The following SYTL2 variants were observed in gnomAD, a reference collection of about 807,000 sequenced individuals.
SYTL2 encodes synaptotagmin-like protein 2.
In SYTL2, 165 loss-of-function variants were observed where a neutral mutation model predicts 198.7. The ratio of observed to expected loss-of-function variants is 0.83; its 90% CI spans 0.73 to 0.94. The LOEUF (loss-of-function observed/expected upper bound fraction) is 0.94, where lower values mean the gene tolerates loss of function less well. Among genes scored for constraint, SYTL2 ranks in the 40% least tolerant of loss-of-function variants. The probability of loss-of-function intolerance (pLI) is 0.00; values close to 1 mark genes in which losing one functional copy is unlikely to be tolerated. For missense variants in SYTL2, 2,835 were observed against 2,582.8 expected, an observed-to-expected ratio of 1.10 and a Z score of -2.12; for synonymous variants, 966 against 917.7, an observed-to-expected ratio of 1.05 and a Z score of -0.95.
chr11:85,718,011 C>T (rs2087639262), intron 10 of SYTL2, among the ~76,000 whole-genome samples: 1 of 152,130 alleles, frequency 6.6e-6, no homozygotes, highest in Non-Finnish European at 1.5e-5. Flanking sequence ...AAAGAATGAC[C>T]TTTAAGGAGC....
chr11:85,833,349 A>AT, the SYTL2 span, among the ~76,000 whole-genome samples: 1 of 148,204 alleles, frequency 6.7e-6, no homozygotes, highest in Non-Finnish European at 1.5e-5. Context: ...TCATATATAT[A>AT]CACGATATAT....
intron 1 of SYTL2, among the ~76,000 whole-genome samples, chr11:85,761,994 G>A (rs760163571): frequency 6.6e-6 from 1 of 152,214 alleles, no homozygotes; most frequent in Admixed American, 6.5e-5. Flanking sequence ...TTTCACATGA[G>A]GAGAGTGAGG....
chr11:85,718,958 G>A, intron 9 of SYTL2, 115 bp from the exon 10 acceptor site: 3 of 1,544,198 alleles, frequency 1.9e-6, no homozygotes, highest in Non-Finnish European at 2.6e-6. Context: ...GATGCAATGA[G>A]GGGTGCAACC....
chr11:85,702,208 G>A (rs1232137190), intron 16 of SYTL2, among the ~76,000 whole-genome samples: 1 of 70,538 alleles, frequency 1.4e-5, no homozygotes, highest in Admixed American at 1.4e-4. Flanking sequence ...TTTTTTTTTT[G>A]AGACAGGGTC....
At chr11:85,767,104 G>C (rs952166343) in intron 1 of SYTL2, among the ~76,000 whole-genome samples, 1 of 152,158 alleles carries the variant, frequency 6.6e-6, no homozygotes, top group African/African-American at 2.4e-5. Context: ...ACGCATATTT[G>C]TATATCAATT....
In SYTL2 at chr11:85,794,178, A is replaced by T. The variant is rs530719141; in HGVS notation, c.-390+16776T>A. The stretch of plus-strand genomic sequence containing the variant: ...AGCCACCTTGCCTGGCCAGATTTAA[A>T]TTTTTTTTTCTTTTTTTAGAGACAG... On this transcript the variant is annotated intron_variant, in intron 1 of 19. Coordinates refer to ENST00000359152, the MANE Select transcript of SYTL2 (RefSeq NM_206927.4). 1.5e-4 allele frequency among the ~76,000 whole-genome samples: 22 copies of T among 150,886 alleles called. No homozygotes were observed. In the South Asian group the frequency reaches 2.3e-3, roughly 16 times the overall value.
At chr11:85,696,034 T>C (rs2083355785) in intron 19 of SYTL2, 149 bp downstream of exon 19, 1 of 651,170 alleles carries the variant, frequency 1.5e-6, no homozygotes, top group Non-Finnish European at 2.7e-6. Flanking sequence ...AACCTGACAT[T>C]TCTTTACTCA....
At position 85,734,119 on chromosome 11, in the gene SYTL2, T is replaced by C. The variant is rs2090108380; in HGVS notation, c.1210A>G (p.Lys404Glu). ...GTCATTGGCTGATGTGTTTCACTTT[T>C]TGATACATATGGGCTTGAGGTTGAT... is the stretch of plus-strand genomic sequence containing the variant. ...HQSTSSPYVSKSETHQPMTSG... is the reference protein window; with the variant it reads ...HQSTSSPYVSESETHQPMTSG... The change falls in exon 7 of 20, where the codon AAA (lysine) becomes GAA (glutamate). Residue 404 changes from lysine (K) to glutamate (E), a missense_variant. This residue lies in a region of SYTL2 where 2,645 missense variants were observed against 2,381.7 expected (regional missense o/e 1.11). Coordinates refer to ENST00000359152, the MANE Select transcript of SYTL2 (RefSeq NM_206927.4). 1.2e-6 allele frequency: 2 copies of C among 1,614,108 alleles called. No individual in the cohort carries two copies. The highest frequency in any genetic ancestry group is 1.7e-6 in the Non-Finnish European group (2 of 1,180,034).
intron 1 of SYTL2, among the ~76,000 whole-genome samples, chr11:85,766,293 T>A (rs536804958): frequency 3.8e-4 from 58 of 152,310 alleles, no homozygotes; most frequent in East Asian, 2.3e-3. Flanking sequence ...TATATTTTCT[T>A]GATCAGCATT....
chr11:85,843,158 G>C, the SYTL2 span, among the ~76,000 whole-genome samples: 1 of 152,100 alleles, frequency 6.6e-6, no homozygotes, highest in Non-Finnish European at 1.5e-5. Context: ...CAGATCACTC[G>C]AGGTCTGGAG....
the SYTL2 span, among the ~76,000 whole-genome samples, chr11:85,824,233 T>C: frequency 6.6e-6 from 1 of 152,068 alleles, no homozygotes; most frequent in Non-Finnish European, 1.5e-5. Flanking sequence ...TTGGAGAGGT[T>C]AGGATCAGAG....
At chr11:85,774,253 T>C (rs2092411658) in intron 1 of SYTL2, among the ~76,000 whole-genome samples, 1 of 152,230 alleles carries the variant, frequency 6.6e-6, no homozygotes, top group African/African-American at 2.4e-5. Context: ...TTTTAATCTT[T>C]ACACACATTT....
chr11:85,827,771 A>T, the SYTL2 span, among the ~76,000 whole-genome samples: 1 of 152,236 alleles, frequency 6.6e-6, no homozygotes, highest in Non-Finnish European at 1.5e-5. Flanking sequence ...TGGGGTAGTC[A>T]TAAGAAAATC....
chr11:85,786,870 G>A (rs1396797350), intron 1 of SYTL2, among the ~76,000 whole-genome samples: 1 of 152,192 alleles, frequency 6.6e-6, no homozygotes, highest in African/African-American at 2.4e-5. Flanking sequence ...TACCATGAGA[G>A]CCCATGTTTT....
intron 1 of SYTL2, among the ~76,000 whole-genome samples, chr11:85,789,603 T>A (rs749854525): frequency 2.0e-5 from 3 of 151,464 alleles, no homozygotes; most frequent in Non-Finnish European, 4.4e-5. Context: ...CAATAGCATA[T>A]ACTTATTAGG....
intron 3 of SYTL2, among the ~76,000 whole-genome samples, chr11:85,746,906 C>A (rs1011650805): frequency 2.0e-5 from 3 of 152,214 alleles, no homozygotes; most frequent in East Asian, 1.9e-4. Flanking sequence ...AGTTACTTAA[C>A]TTCTCTGAGC....
chr11:85,731,391 G>C (rs1366714952), intron 7 of SYTL2, among the ~76,000 whole-genome samples: 3 of 152,068 alleles, frequency 2.0e-5, no homozygotes, highest in Non-Finnish European at 4.4e-5. Context: ...CAGATATATA[G>C]ACCAATGGGA....
chr11:85,838,299 T>G, the SYTL2 span, among the ~76,000 whole-genome samples: 1 of 152,190 alleles, frequency 6.6e-6, no homozygotes, highest in Admixed American at 6.5e-5. Context: ...TATTATTTCT[T>G]GGGAGATAGT....
chr11:85,717,222 A>G, intron 11 of SYTL2: 1 of 212,376 alleles, frequency 4.7e-6, no homozygotes, highest in Non-Finnish European at 9.3e-6. Context: ...GACTGACAAA[A>G]GCACAATAAT....
Sources: allele counts gnomAD v4.1 joint callset (sites outside exome capture counted in the v4.1 genomes callset), GRCh38; gene constraint gnomAD v4.1.1; regional missense constraint gnomAD v4.1.1; transcripts MANE v1.5; gene names NCBI Gene and HGNC (gene_info 2026-07-23, HGNC 2026-07-21).